PDXDC1: variants seen among roughly 807,000 people sequenced by gnomAD.
PDXDC1 encodes pyridoxal dependent decarboxylase domain containing 1, also known as pyridoxal-dependent decarboxylase domain-containing protein 1.
PDXDC1 carries 42 observed loss-of-function variants against 100.1 expected under a neutral mutation model. That is an observed-to-expected ratio of 0.42 (90% CI 0.33 to 0.54). The LOEUF (loss-of-function observed/expected upper bound fraction) is 0.54. Among genes scored for constraint, PDXDC1 ranks in the 20% least tolerant of loss-of-function variants. The pLI is 0.10. For missense variants in PDXDC1, 636 were observed against 979.2 expected (o/e 0.65, Z 4.68); for synonymous variants, 260 against 371.7 (o/e 0.70, Z 3.46).
the PDXDC1 span, among the ~76,000 whole-genome samples, chr16:15,150,202 G>C: frequency 6.6e-6 from 1 of 151,740 alleles, no homozygotes; most frequent in Admixed American, 6.6e-5. Context: ...AAATTAGCTG[G>C]GCATGGTGGC....
Position 15,108,262 on chromosome 16 carries a change from A to C in PDXDC1, c.1400-30617A>C, listed in dbSNP as rs906404271. The stretch of plus-strand genomic sequence containing the variant: ...CACTTGATTCATGGTCCTGATCCTA[A>C]GGATCTCACCTGATACTTGGTTTTA... On this transcript the variant is annotated intron_variant, in intron 16 of 16. Transcript: ENST00000535621. The C allele has an allele frequency of 3.3e-6, 3 of 913,238 alleles. No homozygotes were observed. In the Admixed American group the frequency reaches 1.9e-4, roughly 57 times the overall value. The allele number at this position is 913,238 out of a possible 1,614,324, so 56.6% of individuals were successfully genotyped here. A position where few individuals can be genotyped will look rare whatever the true frequency, so the allele number is the denominator to read the frequency against.
chr16:15,100,989 T>C (rs1032334827), intron 16 of PDXDC1, among the ~76,000 whole-genome samples: 1 of 152,124 alleles, frequency 6.6e-6, no homozygotes. Flanking sequence ...AGTTAATTAA[T>C]TAATGGAAGA....
At chr16:15,131,332 G>A in intron 16 of PDXDC1, 1 of 1,559,506 alleles carries the variant, frequency 6.4e-7, no homozygotes, top group South Asian at 1.1e-5. Context: ...GGCCACCTTG[G>A]TGGAGACGGT....
intron 16 of PDXDC1, among the ~76,000 whole-genome samples, chr16:15,096,223 C>G (rs2046352446): frequency 6.6e-6 from 1 of 151,994 alleles, no homozygotes; most frequent in African/African-American, 2.4e-5. Context: ...ATTCTTGTGC[C>G]TCAGCCTCCC....
chr16:15,075,689 C>T (rs1381239250), intron 16 of PDXDC1, among the ~76,000 whole-genome samples: 1 of 152,192 alleles, frequency 6.6e-6, no homozygotes, highest in Non-Finnish European at 1.5e-5. Flanking sequence ...CCAAGACTCA[C>T]AGCACCAGCT....
intron 16 of PDXDC1, chr16:15,084,531 AC>A: frequency 1.4e-6 from 1 of 712,954 alleles, no homozygotes; most frequent in Non-Finnish European, 2.3e-6. Context: ...TACAAAAAAA[AC>A]ATGCAATGTA....
In PDXDC1 at chr16:15,135,796, C is replaced by G; in HGVS notation, c.1400-3083C>G. 3 of 1,553,046 alleles carry G rather than the reference C, an allele frequency of 1.9e-6. 1 individual carries two copies. The highest frequency in any genetic ancestry group is 2.2e-5 in the South Asian group (2 of 89,078). The stretch of plus-strand genomic sequence containing the variant: ...ATGAGCCACCCTCAGTGATGGGCAC[C>G]AGGCGCTCAGGGGCCACCGTCACAT... On this transcript the variant is annotated intron_variant, in intron 16 of 16. Coordinates refer to the PDXDC1 transcript ENST00000535621.
Position 14,991,956 on chromosome 16 carries a change from T to C in PDXDC1, c.22-5797T>C, listed in dbSNP as rs576380200. On this transcript the variant is annotated intron_variant, in intron 1 of 22. Transcript: ENST00000396410. Reference sequence around the variant, plus strand: ...AGGGATTTTCAGGTTAATATGACAATTGGAGAATTGAGCCAACTTTAGACC... The same window carrying C: ...AGGGATTTTCAGGTTAATATGACAACTGGAGAATTGAGCCAACTTTAGACC... Among the ~76,000 whole-genome samples, 16 of 152,396 alleles carry C rather than the reference T, an allele frequency of 1.0e-4. No homozygotes were observed. In the South Asian group the frequency reaches 3.3e-3, roughly 32 times the overall value.
intron 16 of PDXDC1, among the ~76,000 whole-genome samples, chr16:15,101,089 G>T (rs1253031955): frequency 6.6e-6 from 1 of 152,180 alleles, no homozygotes; most frequent in Non-Finnish European, 1.5e-5. Flanking sequence ...TGTACAAAAT[G>T]GGAATAACTT....
At chr16:14,992,100 A>G (rs1190959067) in intron 1 of PDXDC1, among the ~76,000 whole-genome samples, 1 of 152,286 alleles carries the variant, frequency 6.6e-6, no homozygotes, top group African/African-American at 2.4e-5. Context: ...AATTCACAGT[A>G]AAGGGTGTAA....
chr16:15,095,050 C>T (rs2046304605), intron 16 of PDXDC1, among the ~76,000 whole-genome samples: 1 of 151,996 alleles, frequency 6.6e-6, no homozygotes, highest in African/African-American at 2.4e-5. Flanking sequence ...GTTGGCCAGG[C>T]TGGTCTCGAA....
At chr16:15,008,082 AT>A in intron 6 of PDXDC1, among the ~76,000 whole-genome samples, 2 of 152,260 alleles carry the variant, frequency 1.3e-5, no homozygotes, top group Non-Finnish European at 2.9e-5. Flanking sequence ...TTTTTTGAGG[AT>A]TTGTTTTACT....
At chr16:15,029,021 ACCTGC>A in intron 15 of PDXDC1, 55 bp downstream of exon 15, 1 of 1,561,036 alleles carries the variant, frequency 6.4e-7, no homozygotes, top group Non-Finnish European at 8.7e-7. Context: ...TCACCATCCG[ACCTGC>A]TGGTGAGGGT....
chr16:15,042,335 G>A (rs568632172), downstream of PDXDC1, among the ~76,000 whole-genome samples: 10 of 151,546 alleles, frequency 6.6e-5, no homozygotes, highest in Admixed American at 2.0e-4. Context: ...ACAGACTTGC[G>A]CCACCATGCC....
At chr16:15,094,116 TA>T in intron 16 of PDXDC1, 1 of 1,566,532 alleles carries the variant, frequency 6.4e-7, no homozygotes, top group Non-Finnish European at 8.7e-7. Flanking sequence ...TCGTCCCAGA[TA>T]CGCAGAAGGA....
chr16:15,090,634 G>A (rs1031525155), intron 16 of PDXDC1, among the ~76,000 whole-genome samples: 1 of 152,110 alleles, frequency 6.6e-6, no homozygotes, highest in Non-Finnish European at 1.5e-5. Context: ...AATCTCTATT[G>A]TTTTCTTGGT....
intron 16 of PDXDC1, among the ~76,000 whole-genome samples, chr16:15,065,753 G>T (rs763133958): frequency 2.3e-4 from 35 of 152,110 alleles, no homozygotes; most frequent in Non-Finnish European, 4.4e-4. Context: ...GTTTGCAAAA[G>T]AATTAGAAGG....
intron 16 of PDXDC1, among the ~76,000 whole-genome samples, chr16:15,091,711 C>T (rs1018490932): frequency 2.6e-5 from 4 of 152,152 alleles, no homozygotes; most frequent in Admixed American, 6.6e-5. Context: ...AAAAAGTATT[C>T]ACTCAAATAT....
chr16:14,974,997 C>T, upstream of PDXDC1: 2 of 1,535,284 alleles, frequency 1.3e-6, no homozygotes, highest in Non-Finnish European at 1.7e-6. Flanking sequence ...GAGGGCTCCG[C>T]CCAGCGCTAC....
Sources: allele counts gnomAD v4.1 joint callset (sites outside exome capture counted in the v4.1 genomes callset), GRCh38; gene constraint gnomAD v4.1.1; transcripts MANE v1.5; gene names NCBI Gene and HGNC (gene_info 2026-07-23, HGNC 2026-07-21).